PTPRM: variants seen among roughly 807,000 people sequenced by gnomAD.
PTPRM encodes the protein protein tyrosine phosphatase receptor type M, also known as receptor-type tyrosine-protein phosphatase mu.
In PTPRM, 47 loss-of-function variants were observed where a neutral mutation model predicts 186.7. That is an observed-to-expected ratio of 0.25 (90% CI 0.20 to 0.32). The LOEUF (loss-of-function observed/expected upper bound fraction) is 0.32, where lower values mean the gene tolerates loss of function less well. PTPRM is among the 10% of genes least tolerant of loss of function. PTPRM has a pLI of 1.00. For synonymous variants in PTPRM, 668 were observed against 674.9 expected (o/e 0.99, Z 0.16); for missense variants, 1,494 against 1,865.0 (o/e 0.80, Z 3.66).
chr18:7,901,919 A>T (rs907213915), intron 3 of PTPRM, among the ~76,000 whole-genome samples: 1 of 152,260 alleles, frequency 6.6e-6, no homozygotes, highest in Admixed American at 6.5e-5. Context: ...CTTGTACTCA[A>T]GTCCCTTAAC....
intron 1 of PTPRM, among the ~76,000 whole-genome samples, chr18:7,643,973 CA>C (rs914164218): frequency 2.6e-5 from 4 of 152,040 alleles, no homozygotes; most frequent in Admixed American, 2.0e-4. Context: ...TTGTAATAAC[CA>C]GACAGCACAT....
intron 1 of PTPRM, among the ~76,000 whole-genome samples, chr18:7,701,397 G>T (rs2039963299): frequency 6.6e-6 from 1 of 151,206 alleles, no homozygotes; most frequent in Non-Finnish European, 1.5e-5. Context: ...TCAAGAGTTT[G>T]AGACCATCTT....
chr18:8,133,928 C>G (rs552974052), intron 13 of PTPRM, among the ~76,000 whole-genome samples: 2 of 152,036 alleles, frequency 1.3e-5, no homozygotes, highest in South Asian at 4.2e-4. Flanking sequence ...CATAAAAATC[C>G]AGAAGAGAAA....
At chr18:8,199,513 T>A (rs2093824506) in intron 14 of PTPRM, among the ~76,000 whole-genome samples, 1 of 152,170 alleles carries the variant, frequency 6.6e-6, no homozygotes, top group Non-Finnish European at 1.5e-5. Context: ...AAAGTTGAGG[T>A]CAGTGTAGCT....
chr18:8,396,413 A>G (rs952160346), intron 32 of PTPRM, among the ~76,000 whole-genome samples: 4 of 152,202 alleles, frequency 2.6e-5, no homozygotes, highest in Non-Finnish European at 5.9e-5. Flanking sequence ...AATTAAGCAC[A>G]TCATTAGAAA....
intron 1 of PTPRM, among the ~76,000 whole-genome samples, chr18:7,684,350 A>G (rs2039548786): frequency 6.6e-6 from 1 of 151,998 alleles, no homozygotes; most frequent in Non-Finnish European, 1.5e-5. Context: ...ACATGGTAAG[A>G]ACACGTAACA....
chr18:8,320,546 C>G (rs1203259301), intron 22 of PTPRM, among the ~76,000 whole-genome samples: 2 of 152,062 alleles, frequency 1.3e-5, no homozygotes, highest in Non-Finnish European at 2.9e-5. Flanking sequence ...AAATGAGGAA[C>G]TGAATTTTAA....
At chr18:8,358,253 A>ACACACACG (rs2095575371) in intron 23 of PTPRM, among the ~76,000 whole-genome samples, 1 of 144,588 alleles carries the variant, frequency 6.9e-6, no homozygotes, top group South Asian at 2.1e-4. Context: ...TGACACGCAC[A>ACACACACG]CACACACACA....
chr18:8,401,610 AC>A (rs2095872437), intron 32 of PTPRM, among the ~76,000 whole-genome samples: 1 of 152,050 alleles, frequency 6.6e-6, no homozygotes, highest in African/African-American at 2.4e-5. Flanking sequence ...TTCTCTTTGA[AC>A]CTTTGGAGGC....
At chr18:7,987,985 T>A (rs2083053802) in intron 7 of PTPRM, among the ~76,000 whole-genome samples, 2 of 138,172 alleles carry the variant, frequency 1.4e-5, no homozygotes. Flanking sequence ...AGGACCAGCC[T>A]GGACAACATA....
intron 19 of PTPRM, among the ~76,000 whole-genome samples, chr18:8,289,539 T>TATATATATACATATATATACACAC (rs1568674684): frequency 3.5e-5 from 2 of 56,870 alleles, no homozygotes; most frequent in African/African-American, 2.4e-4. Context: ...TATATACACA[T>TATATATATACATATATATACACAC]ATATATATAT....
intron 1 of PTPRM, among the ~76,000 whole-genome samples, chr18:7,707,106 G>A (rs554561591): frequency 6.6e-6 from 1 of 152,106 alleles, no homozygotes; most frequent in Non-Finnish European, 1.5e-5. Flanking sequence ...TTTAAAACCT[G>A]CCTCATGTAT....
chr18:8,281,915 A>G (rs1375013711), intron 19 of PTPRM, among the ~76,000 whole-genome samples: 2 of 152,164 alleles, frequency 1.3e-5, no homozygotes. Context: ...CCATTACACC[A>G]AAAGCATTCT....
At chr18:8,161,251 C>T (rs963890827) in intron 14 of PTPRM, among the ~76,000 whole-genome samples, 3 of 152,088 alleles carry the variant, frequency 2.0e-5, no homozygotes, top group African/African-American at 7.2e-5. Context: ...TGAGAATTAC[C>T]TTATTGTAAT....
intron 31 of PTPRM, among the ~76,000 whole-genome samples, chr18:8,387,978 C>G (rs1289003195): frequency 6.6e-6 from 1 of 151,472 alleles, no homozygotes; most frequent in Non-Finnish European, 1.5e-5. Flanking sequence ...TAGGCCACAC[C>G]CCAACCAATT....
chr18:7,996,968 T>A (rs929248197), intron 7 of PTPRM, among the ~76,000 whole-genome samples: 1 of 152,110 alleles, frequency 6.6e-6, no homozygotes, highest in Non-Finnish European at 1.5e-5. Flanking sequence ...CTGTATTACC[T>A]AAAGCAATCC....
chr18:7,605,881 A>G (rs2037520208), intron 1 of PTPRM, among the ~76,000 whole-genome samples: 2 of 152,128 alleles, frequency 1.3e-5, no homozygotes, highest in African/African-American at 4.8e-5. Context: ...ATTAGGTGAT[A>G]TGTGGGGCCT....
intron 22 of PTPRM, among the ~76,000 whole-genome samples, chr18:8,325,320 T>G (rs1448142981): frequency 6.6e-6 from 1 of 152,158 alleles, no homozygotes; most frequent in Non-Finnish European, 1.5e-5. Context: ...CCTCCCACCC[T>G]CTACCCTCAG....
At chr18:8,183,178 CTTCTAAATGGAT>C (rs773594695) in intron 14 of PTPRM, among the ~76,000 whole-genome samples, 3 of 152,188 alleles carry the variant, frequency 2.0e-5, no homozygotes, top group Non-Finnish European at 4.4e-5. Context: ...TAAACCATAG[CTTCTAAATGGAT>C]TTAGACATTA....
Sources: allele counts gnomAD v4.1 joint callset (sites outside exome capture counted in the v4.1 genomes callset), GRCh38; gene constraint gnomAD v4.1.1; transcripts MANE v1.5; gene names NCBI Gene and HGNC (gene_info 2026-07-23, HGNC 2026-07-21).